ZNF804B: variants seen among roughly 807,000 people sequenced by gnomAD.
ZNF804B encodes zinc finger protein 804B.
In ZNF804B, 80 loss-of-function variants were observed where a neutral mutation model predicts 101.4. The observed-to-expected ratio is 0.79, with a 90% CI of 0.66 to 0.95. The LOEUF (loss-of-function observed/expected upper bound fraction) is 0.95. ZNF804B is among the 40% of genes least tolerant of loss of function. ZNF804B has a pLI of 0.00. For synonymous variants in ZNF804B, 622 were observed against 558.8 expected, an observed-to-expected ratio of 1.11 and a Z score of -1.59; for missense variants, 1,673 against 1,561.9, an observed-to-expected ratio of 1.07 and a Z score of -1.20.
chr7:89,035,338 T>G (rs1473203622), intron 1 of ZNF804B, among the ~76,000 whole-genome samples: 2 of 152,108 alleles, frequency 1.3e-5, no homozygotes, highest in African/African-American at 4.8e-5. Flanking sequence ...TAGTTTAATT[T>G]CATTTTACTG....
chr7:89,174,941 C>T (rs926020336), intron 1 of ZNF804B, among the ~76,000 whole-genome samples: 1 of 151,724 alleles, frequency 6.6e-6, no homozygotes, highest in Non-Finnish European at 1.5e-5. Context: ...TAAATTGAAA[C>T]ATTATTTTTC....
intron 1 of ZNF804B, among the ~76,000 whole-genome samples, chr7:89,082,587 C>A (rs561261187): frequency 6.6e-6 from 1 of 151,660 alleles, no homozygotes; most frequent in East Asian, 1.9e-4. Flanking sequence ...AAACTAGTAA[C>A]TCTTCTTCTT....
chr7:88,996,537 C>T (rs893331404), intron 1 of ZNF804B, among the ~76,000 whole-genome samples: 2 of 151,900 alleles, frequency 1.3e-5, no homozygotes, highest in Non-Finnish European at 2.9e-5. Context: ...TTGTCTTTAC[C>T]ATGTGTACTT....
At chr7:89,329,394 C>G (rs1159059631) in intron 3 of ZNF804B, among the ~76,000 whole-genome samples, 1 of 151,688 alleles carries the variant, frequency 6.6e-6, no homozygotes, top group East Asian at 1.9e-4. Context: ...GGTGAATTGA[C>G]AAGTGAAAGT....
intron 1 of ZNF804B, among the ~76,000 whole-genome samples, chr7:89,195,663 C>T (rs117843424): frequency 0.047 from 7,164 of 151,654 alleles, 229 homozygotes; most frequent in South Asian, 0.11. Context: ...AGGAGAACTA[C>T]AAACCAAAAG....
At chr7:89,241,339 C>A (rs1324450949) in intron 2 of ZNF804B, among the ~76,000 whole-genome samples, 1 of 152,100 alleles carries the variant, frequency 6.6e-6, no homozygotes, top group Admixed American at 6.6e-5. Flanking sequence ...GATTTCATAA[C>A]AACCTTTGTT....
chr7:88,971,749 T>C (rs1466604458), intron 1 of ZNF804B, among the ~76,000 whole-genome samples: 3 of 151,644 alleles, frequency 2.0e-5, no homozygotes, highest in East Asian at 3.9e-4. Context: ...ACATAATTTT[T>C]ACAATATTAC....
chr7:89,029,340 A>G (rs892599760), intron 1 of ZNF804B, among the ~76,000 whole-genome samples: 21 of 152,072 alleles, frequency 1.4e-4, no homozygotes, highest in Admixed American at 5.2e-4. Context: ...CTGACCTCAA[A>G]TGATCCACCC....
intron 1 of ZNF804B, among the ~76,000 whole-genome samples, chr7:89,078,078 A>G (rs897870746): frequency 6.6e-6 from 1 of 152,124 alleles, no homozygotes; most frequent in Non-Finnish European, 1.5e-5. Flanking sequence ...TTAAGAAGAC[A>G]TAATTTTATC....
chr7:88,907,038 A>C (rs753715862), intron 1 of ZNF804B, among the ~76,000 whole-genome samples: 2 of 151,924 alleles, frequency 1.3e-5, no homozygotes, highest in Non-Finnish European at 2.9e-5. Context: ...GTTTTATCTG[A>C]TATAAGAATA....
intron 1 of ZNF804B, among the ~76,000 whole-genome samples, chr7:89,123,633 A>G (rs978190024): frequency 6.6e-6 from 1 of 152,204 alleles, no homozygotes; most frequent in Non-Finnish European, 1.5e-5. Context: ...TGATAATGAT[A>G]GTTAATGTTC....
intron 1 of ZNF804B, among the ~76,000 whole-genome samples, chr7:88,926,877 A>G (rs890319585): frequency 2.8e-5 from 4 of 142,508 alleles, no homozygotes; most frequent in Non-Finnish European, 6.1e-5. Context: ...TTTTTTGCTA[A>G]ATTTTTTTTT....
chr7:88,957,828 A>G (rs986315930), intron 1 of ZNF804B, among the ~76,000 whole-genome samples: 2 of 151,414 alleles, frequency 1.3e-5, no homozygotes, highest in African/African-American at 2.4e-5. Context: ...TTTAATAACA[A>G]AAATAAATGT....
chr7:89,065,805 C>T (rs1003450028), intron 1 of ZNF804B, among the ~76,000 whole-genome samples: 21 of 152,198 alleles, frequency 1.4e-4, no homozygotes, highest in Admixed American at 8.5e-4. Flanking sequence ...CTTCCATCTT[C>T]GGATCCTCTT....
intron 1 of ZNF804B, among the ~76,000 whole-genome samples, chr7:89,141,478 AATGCTC>A (rs1790714654): frequency 6.6e-6 from 1 of 152,062 alleles, no homozygotes; most frequent in Admixed American, 6.6e-5. Flanking sequence ...ACATTTGGGT[AATGCTC>A]ACCTTTTGGT....
At chr7:89,039,038 T>A (rs2116245160) in intron 1 of ZNF804B, among the ~76,000 whole-genome samples, 2 of 152,172 alleles carry the variant, frequency 1.3e-5, no homozygotes, top group East Asian at 3.9e-4. Flanking sequence ...CTATTTTTTT[T>A]ATTGCCAATA....
intron 1 of ZNF804B, among the ~76,000 whole-genome samples, chr7:88,953,663 A>C (rs1793258209): frequency 6.6e-6 from 1 of 151,724 alleles, no homozygotes; most frequent in East Asian, 2.0e-4. Flanking sequence ...ATCTGTTTGC[A>C]TGAATGTGAT....
intron 1 of ZNF804B, among the ~76,000 whole-genome samples, chr7:89,215,427 A>G (rs1276435814): frequency 6.6e-6 from 1 of 152,164 alleles, no homozygotes; most frequent in Non-Finnish European, 1.5e-5. Flanking sequence ...ATAATCTGAA[A>G]GAATATAAAA....
At chr7:88,903,312 C>G (rs1792419937) in intron 1 of ZNF804B, among the ~76,000 whole-genome samples, 1 of 152,114 alleles carries the variant, frequency 6.6e-6, no homozygotes, top group Admixed American at 6.5e-5. Context: ...TAGTATTCTT[C>G]CATAGTGTAT....
Sources: gnomAD v4.1 joint callset for allele counts (sites outside exome capture counted in the v4.1 genomes callset) on GRCh38, gnomAD v4.1.1 for gene constraint, MANE v1.5 for transcripts, NCBI Gene and HGNC (gene_info 2026-07-23, HGNC 2026-07-21) for gene names.